Variants in CD37 observed in about 807,000 individuals in gnomAD.
CD37 encodes the protein leukocyte antigen CD37.
In CD37, 37 loss-of-function variants were observed where a neutral mutation model predicts 38.9. The observed-to-expected ratio is 0.95, with a 90% CI of 0.73 to 1.25. The LOEUF (loss-of-function observed/expected upper bound fraction) is 1.25. CD37 is among the 50% of genes most tolerant of loss of function. The pLI, the probability that CD37 is intolerant of heterozygous loss-of-function variation, is 0.00. For synonymous variants in CD37, 146 were observed against 150.1 expected (o/e 0.97, Z 0.20); for missense variants, 351 against 360.1 (o/e 0.97, Z 0.20).
chr19:49,339,255 G>A lies in CD37; in HGVS notation c.685-75G>A. 8 of 1,336,650 alleles carry A rather than the reference G, an allele frequency of 6.0e-6. No individual in the cohort carries two copies. Among genetic ancestry groups the A allele is most frequent in the Non-Finnish European group, 8.5e-6 (8 of 938,302 alleles). 82.8% of individuals were successfully genotyped at this position (1,336,650 alleles called of 1,614,324 possible). On this transcript the variant is annotated intron_variant, in intron 6 of 7. Coordinates refer to ENST00000323906, the MANE Select transcript of CD37 (RefSeq NM_001774.3). This position sits in a 1 kb window ranked among gnomAD's most constrained non-coding sequence, Gnocchi z 4.5. Reference sequence around the variant, plus strand: ...TAGATGCCTGAAGACGGTGAGGGTTGGCCTGAAAAGAACGCTGGGCCTGGG... The same window carrying A: ...TAGATGCCTGAAGACGGTGAGGGTTAGCCTGAAAAGAACGCTGGGCCTGGG...
rs1362521424 is a variant in CD37 at position 49,340,399 on chromosome 19, ATTTG to A, written c.*75_*78del. 16 of 1,078,112 alleles carry A rather than the reference ATTTG, an allele frequency of 1.5e-5. No homozygotes were observed. Among genetic ancestry groups the A allele is most frequent in the Middle Eastern group, 2.0e-4 (1 of 5,070 alleles). The allele number at this position is 1,078,112 out of a possible 1,614,324, so 66.8% of individuals were successfully genotyped here. A position where few individuals can be genotyped will look rare whatever the true frequency, so the allele number is the denominator to read the frequency against. Reference sequence around the variant, plus strand: ...GGGCACTTCCCTGCTGCCTGTAAATATTTGTTTAATCCCCAGTTCGCCTGGAGCC... The same window carrying A: ...GGGCACTTCCCTGCTGCCTGTAAATATTTAATCCCCAGTTCGCCTGGAGCC... On this transcript the variant is annotated 3_prime_UTR_variant, in exon 8 of 8. Transcript: ENST00000323906.
In CD37 at chr19:49,339,840, A is replaced by C; in HGVS notation, c.769-411A>C. On this transcript the variant is annotated intron_variant, in intron 7 of 7. Coordinates refer to ENST00000323906, the MANE Select transcript of CD37 (RefSeq NM_001774.3). This position sits in a 1 kb window ranked among gnomAD's most constrained non-coding sequence, Gnocchi z 4.5. Reference sequence around the variant, plus strand: ...TGGCGGGTGCCTGCCCCAACTGGGGAGACAAGGCACCGCAGGGCAAGCTGC... The same window carrying C: ...TGGCGGGTGCCTGCCCCAACTGGGGCGACAAGGCACCGCAGGGCAAGCTGC... 7.5e-7 allele frequency: 1 copy of C among 1,330,324 alleles called. No individual in the cohort carries two copies. The highest frequency in any genetic ancestry group is 9.6e-7 in the Non-Finnish European group (1 of 1,036,604). The allele number at this position is 1,330,324 out of a possible 1,614,324, so 82.4% of individuals were successfully genotyped here.
rs779355702 is a variant in CD37, at chr19:49,335,517, G to A, written c.-24G>A. On this transcript the variant is annotated 5_prime_UTR_variant, in exon 1 of 8. Transcript: ENST00000323906. This position sits in a 1 kb window ranked among gnomAD's most constrained non-coding sequence, Gnocchi z 4.6. The stretch of plus-strand genomic sequence containing the variant: ...CAGCACCTCTTCTGTGTGGTGAGTG[G>A]ACCGCTTACCCCACTAGGTGAAGAT... 3.1e-6 allele frequency: 5 copies of A among 1,593,546 alleles called. No homozygotes were observed. In the East Asian group the frequency reaches 6.7e-5, roughly 21 times the overall value.
intron 4 of CD37, 31 bp downstream of exon 4, chr19:49,337,252 C>T: frequency 6.3e-7 from 1 of 1,599,582 alleles, no homozygotes; most frequent in East Asian, 2.2e-5. Flanking sequence ...ACCACCCACC[C>T]CCAGCAGGGA....
chr19:49,335,865 C>T lies in CD37; in HGVS notation c.142+79C>T. On this transcript the variant is annotated intron_variant, in intron 2 of 7. Coordinates refer to ENST00000323906, the MANE Select transcript of CD37 (RefSeq NM_001774.3). The surrounding 1 kb of genome is among the most constrained non-coding windows in gnomAD (Gnocchi z 4.6). Reference sequence around the variant, plus strand: ...GGGGTCTCCCTTGTCTCAGGGAGACCTACGGTGCCCTACTCTGCAGGCAGG... The same window carrying T: ...GGGGTCTCCCTTGTCTCAGGGAGACTTACGGTGCCCTACTCTGCAGGCAGG... 1 of 1,134,378 alleles carries T rather than the reference C, an allele frequency of 8.8e-7. No individual in the cohort carries two copies. 70.3% of individuals were successfully genotyped at this position (1,134,378 alleles called of 1,614,324 possible).
Position 49,339,185 on chromosome 19 carries a change from G to A in CD37, c.685-145G>A, listed in dbSNP as rs2146222199. 4.0e-6 allele frequency: 3 copies of A among 753,596 alleles called. No homozygotes were observed. In the East Asian group the frequency reaches 7.4e-5, roughly 18 times the overall value. 46.7% of individuals were successfully genotyped at this position (753,596 alleles called of 1,614,324 possible). Reference sequence around the variant, plus strand: ...GGCTTGGAAAAGGTGAAGCGAGGGTGCACTAGTAAGGAGACTAGAGTGCCC... The same window carrying A: ...GGCTTGGAAAAGGTGAAGCGAGGGTACACTAGTAAGGAGACTAGAGTGCCC... On this transcript the variant is annotated intron_variant, in intron 6 of 7. Transcript: ENST00000323906. This position sits in a 1 kb window ranked among gnomAD's most constrained non-coding sequence, Gnocchi z 4.5.
At position 49,336,701 on chromosome 19, in the gene CD37, G is replaced by A. The variant is rs1600670684; in HGVS notation, c.143-208G>A. Reference sequence around the variant, plus strand: ...AGGAGGAAGGAGAGGGTAAGAGGAAGAGAGACAGAGATCCAGGGACGGGAA... The same window carrying A: ...AGGAGGAAGGAGAGGGTAAGAGGAAAAGAGACAGAGATCCAGGGACGGGAA... On this transcript the variant is annotated intron_variant, in intron 2 of 7. Transcript: ENST00000323906. 4 of 559,524 alleles carry A rather than the reference G, an allele frequency of 7.1e-6. No individual in the cohort carries two copies. In the South Asian group the frequency reaches 8.7e-5, roughly 12 times the overall value. The allele number at this position is 559,524 out of a possible 1,614,324, so 34.7% of individuals were successfully genotyped here. A position where few individuals can be genotyped will look rare whatever the true frequency, so the allele number is the denominator to read the frequency against.
intron 4 of CD37, chr19:49,337,544 C>A: frequency 1.0e-6 from 1 of 972,820 alleles, no homozygotes; most frequent in Non-Finnish European, 1.4e-6. Flanking sequence ...ATCACTTGAG[C>A]CAGGGAGTTT....
intron 7 of CD37, 40 bp from the exon 8 acceptor site, chr19:49,340,211 A>C (rs759775399): frequency 6.4e-7 from 1 of 1,558,218 alleles, no homozygotes; most frequent in African/African-American, 1.4e-5. Context: ...TCTCGCCAGC[A>C]CCCCTTCGAC....
chr19:49,337,460 A>C (rs185697375), intron 4 of CD37, among the ~76,000 whole-genome samples: 2,207 of 148,786 alleles, frequency 0.015, 30 homozygotes, highest in Non-Finnish European at 0.023. Flanking sequence ...GACCCCATCT[A>C]TATTTAAAAA....
rs906650435 is a variant in CD37 at position 49,338,302 on chromosome 19, T to G, written c.447+273T>G. 23 of 808,730 alleles carry G rather than the reference T, an allele frequency of 2.8e-5. No individual in the cohort carries two copies. In the African/African-American group the frequency reaches 4.2e-4, roughly 15 times the overall value. The allele number at this position is 808,730 out of a possible 1,614,324, so 50.1% of individuals were successfully genotyped here. A position where few individuals can be genotyped will look rare whatever the true frequency, so the allele number is the denominator to read the frequency against. ...CGACCAGAGGTTGTCAGGCCCCTAGTCCCAAGACCCTAGCGAGACACGGCT... is the reference window on the plus strand; with the variant it reads ...CGACCAGAGGTTGTCAGGCCCCTAGGCCCAAGACCCTAGCGAGACACGGCT... On this transcript the variant is annotated intron_variant, in intron 5 of 7. Coordinates refer to ENST00000323906, the MANE Select transcript of CD37 (RefSeq NM_001774.3). The surrounding 1 kb of genome is among the most constrained non-coding windows in gnomAD (Gnocchi z 5.0).
At position 49,337,270 on chromosome 19, in the gene CD37, G is replaced by A. The variant is rs767669134; in HGVS notation, c.342+49G>A. 4.8e-5 allele frequency: 75 copies of A among 1,560,192 alleles called. 1 individual carries two copies. The South Asian group carries it at 7.9e-4, about 16-fold the overall frequency. On this transcript the variant is annotated intron_variant, in intron 4 of 7. Transcript: ENST00000323906. ...ACCCACCCCCAGCAGGGAGGAGAGG[G>A]AAGGGAGTGGTGGGAGAGGGTGGAG... is the stretch of plus-strand genomic sequence containing the variant.
Position 49,335,795 on chromosome 19 carries a change from G to C in CD37, c.142+9G>C. ...CTTCGTGTCCTTTGTGGGTGAGGGG[G>C]GCTGGGGCAGGTGGGAGGGCCTCCC... On this transcript the variant is annotated intron_variant, in intron 2 of 7. Coordinates refer to ENST00000323906, the MANE Select transcript of CD37 (RefSeq NM_001774.3). The surrounding 1 kb of genome is among the most constrained non-coding windows in gnomAD (Gnocchi z 4.6). The C allele has an allele frequency of 1.2e-6, 2 of 1,607,496 alleles. No homozygotes were observed. Among genetic ancestry groups the C allele is most frequent in the Non-Finnish European group, 1.7e-6 (2 of 1,174,616 alleles).
rs186830937 is a variant in CD37, at chr19:49,339,751, G to A, written c.768+338G>A. 521 of 1,386,176 alleles carry A rather than the reference G, an allele frequency of 3.8e-4. 1 individual carries two copies. In the African/African-American group the frequency reaches 7.0e-3, roughly 19 times the overall value. 85.9% of individuals were successfully genotyped at this position (1,386,176 alleles called of 1,614,324 possible). A position where few individuals can be genotyped will look rare whatever the true frequency, so the allele number is the denominator to read the frequency against. On this transcript the variant is annotated intron_variant, in intron 7 of 7. Transcript: ENST00000323906. The surrounding 1 kb of genome is among the most constrained non-coding windows in gnomAD (Gnocchi z 4.5). ...GCCGGGCGCTGGGGATTCGAGCCCC[G>A]GGCCCAGCCTGATCGCTGACGGCGG...
Position 49,336,907 on chromosome 19 carries a change from A to C in CD37, c.143-2A>C, listed in dbSNP as rs1459033026. ...CATCATCACTCCCCTCACCTCTCCC[A>C]GGCTTGGCCTTCGTGCCTCTGCAGA... On this transcript the variant is annotated splice_acceptor_variant, in intron 2 of 7. Transcript: ENST00000323906. LOFTEE classifies it high-confidence loss of function. 6.2e-7 allele frequency: 1 copy of C among 1,614,026 alleles called. No homozygotes were observed. The highest frequency in any genetic ancestry group is 8.5e-7 in the Non-Finnish European group (1 of 1,179,908).
chr19:49,335,688 C>A lies in CD37; in HGVS notation c.70-26C>A. ...CCCTCATCTTCCCCTGTGGCCCACC[C>A]CCGTATCCGCATCTCCTCTCCCCAG... On this transcript the variant is annotated intron_variant, in intron 1 of 7. Transcript: ENST00000323906. This position sits in a 1 kb window ranked among gnomAD's most constrained non-coding sequence, Gnocchi z 4.6. 6.8e-6 allele frequency: 11 copies of A among 1,613,286 alleles called. No individual in the cohort carries two copies. Among genetic ancestry groups the A allele is most frequent in the Non-Finnish European group, 8.5e-6 (10 of 1,179,322 alleles).
chr19:49,335,691 G>C lies in CD37; in HGVS notation c.70-23G>C, dbSNP rs774871014. 6.2e-7 allele frequency: 1 copy of C among 1,613,172 alleles called. No individual in the cohort carries two copies. Among genetic ancestry groups the C allele is most frequent in the South Asian group, 1.1e-5 (1 of 91,054 alleles). On this transcript the variant is annotated intron_variant, in intron 1 of 7. Transcript: ENST00000323906. The surrounding 1 kb of genome is among the most constrained non-coding windows in gnomAD (Gnocchi z 4.6). ...TCATCTTCCCCTGTGGCCCACCCCC[G>C]TATCCGCATCTCCTCTCCCCAGGTC...
In CD37 at chr19:49,335,955, G is replaced by A. The variant is rs1265627763; in HGVS notation, c.142+169G>A. On this transcript the variant is annotated intron_variant, in intron 2 of 7. Coordinates refer to ENST00000323906, the MANE Select transcript of CD37 (RefSeq NM_001774.3). The surrounding 1 kb of genome is among the most constrained non-coding windows in gnomAD (Gnocchi z 4.6). ...AGCCTGAGTCTTCTTCCGGCAAATG[G>A]GGTTGTGCATACAAACAACAATGAT... 1.5e-6 allele frequency: 1 copy of A among 648,438 alleles called. No individual in the cohort carries two copies. Among genetic ancestry groups the A allele is most frequent in the African/African-American group, 1.8e-5 (1 of 55,050 alleles). The allele number at this position is 648,438 out of a possible 1,614,324, so 40.2% of individuals were successfully genotyped here. A position where few individuals can be genotyped will look rare whatever the true frequency, so the allele number is the denominator to read the frequency against.
In CD37 at chr19:49,338,310, C is replaced by A; in HGVS notation, c.447+281C>A. On this transcript the variant is annotated intron_variant, in intron 5 of 7. Transcript: ENST00000323906. The surrounding 1 kb of genome is among the most constrained non-coding windows in gnomAD (Gnocchi z 5.0). ...GGTTGTCAGGCCCCTAGTCCCAAGA[C>A]CCTAGCGAGACACGGCTTCCTACCC... The A allele has an allele frequency of 4.8e-6, 4 of 826,906 alleles. No individual in the cohort carries two copies. The highest frequency in any genetic ancestry group is 5.4e-6 in the Non-Finnish European group (3 of 557,656). 51.2% of individuals were successfully genotyped at this position (826,906 alleles called of 1,614,324 possible).
Sources: gnomAD v4.1 joint callset for allele counts (sites outside exome capture counted in the v4.1 genomes callset) on GRCh38, gnomAD v4.1.1 for gene constraint, Gnocchi (gnomAD v3.1) non-coding constraint, MANE v1.5 for transcripts, NCBI Gene and HGNC (gene_info 2026-07-23, HGNC 2026-07-21) for gene names.